XIAP: variants seen among roughly 807,000 people sequenced by gnomAD.
XIAP encodes the protein E3 ubiquitin-protein ligase XIAP.
XIAP carries 3 observed loss-of-function variants against 33.1 expected under a neutral mutation model. The ratio of observed to expected loss-of-function variants is 0.09; its 90% confidence interval spans 0.04 to 0.23. XIAP has a LOEUF of 0.23. Ranked by LOEUF, XIAP falls within the 10% of genes least tolerant of loss-of-function variation. The pLI is 1.00. For synonymous variants in XIAP, 98 were observed against 121.3 expected (o/e 0.81, Z 1.26); for missense variants, 264 against 363.0 (o/e 0.73, Z 2.22).
At chrX:123,885,587 G>C (rs2053343940) in intron 1 of XIAP, 44 bp from the exon 2 acceptor site, 1 of 1,091,116 alleles carries the variant, frequency 9.2e-7, no homozygotes, top group South Asian at 2.0e-5. Flanking sequence ...TCTGTTGCTT[G>C]TGTTTCACAT....
In XIAP at chrX:123,860,206, T is replaced by C. The variant is rs1169181070; in HGVS notation, c.-120T>C. ...GCAGAGCGGAGTTGGCATTTCCAGA[T>C]TGGGGCTCGGGCCGCGCCTCCTCCG... On this transcript the variant is annotated 5_prime_UTR_variant, in exon 1 of 7. Transcript: ENST00000371199. 1.5e-5 allele frequency: 5 copies of C among 329,883 alleles called. No individual in the cohort carries two copies. The highest frequency in any genetic ancestry group is 2.9e-5 in the Non-Finnish European group (5 of 169,990). 27.2% of individuals were successfully genotyped at this position (329,883 alleles called of 1,213,427 possible).
At position 123,910,727 on chromosome X, in the gene XIAP, G is replaced by A. The variant is rs768162124; in HGVS notation, c.*3546G>A. ...TACTAAAAAACAGAAAATTAGCCGG[G>A]CGTGGTGGCGGGCGCCTGTAGTCCC... is the stretch of plus-strand genomic sequence containing the variant. On this transcript the variant is annotated 3_prime_UTR_variant, in exon 7 of 7. Transcript: ENST00000371199. 71 of 280,894 alleles carry A rather than the reference G, an allele frequency of 2.5e-4. No individual in the cohort carries two copies. Among genetic ancestry groups the A allele is most frequent in the Middle Eastern group, 1.3e-3 (1 of 794 alleles). 23.1% of individuals were successfully genotyped at this position (280,894 alleles called of 1,213,427 possible).
At chrX:123,874,678 A>G (rs2053225627) in intron 1 of XIAP, 1 of 96,629 alleles carries the variant, frequency 1.0e-5, no homozygotes, top group Non-Finnish European at 2.0e-5. Flanking sequence ...ATACACTCAT[A>G]ATGAAATGAT....
In XIAP at chrX:123,909,411, T is replaced by C. The variant is rs1034252038; in HGVS notation, c.*2230T>C. On this transcript the variant is annotated 3_prime_UTR_variant, in exon 7 of 7. Coordinates refer to ENST00000371199, the MANE Select transcript of XIAP (RefSeq NM_001167.4). ...TCTGTTTTAGTATGTAAATCCTCAG[T>C]TCTTCACCTTTGCACTGTCTGCCAC... 1.8e-5 allele frequency: 6 copies of C among 328,056 alleles called. No homozygotes were observed. Among genetic ancestry groups the C allele is most frequent in the Non-Finnish European group, 3.5e-5 (6 of 169,869 alleles). The allele number at this position is 328,056 out of a possible 1,213,427, so 27.0% of individuals were successfully genotyped here. A position where few individuals can be genotyped will look rare whatever the true frequency, so the allele number is the denominator to read the frequency against.
chrX:123,907,475 A>G lies in XIAP; in HGVS notation c.*294A>G, dbSNP rs2053563971. On this transcript the variant is annotated 3_prime_UTR_variant, in exon 7 of 7. Transcript: ENST00000371199. Reference sequence around the variant, plus strand: ...TGTGTATTCATAGTATACTGATTTAATTTCTAAGTGTAAGTGAATTAATCA... The same window carrying G: ...TGTGTATTCATAGTATACTGATTTAGTTTCTAAGTGTAAGTGAATTAATCA... 1 of 398,357 alleles carries G rather than the reference A, an allele frequency of 2.5e-6. No homozygotes were observed. The allele number at this position is 398,357 out of a possible 1,213,427, so 32.8% of individuals were successfully genotyped here. A position where few individuals can be genotyped will look rare whatever the true frequency, so the allele number is the denominator to read the frequency against.
At chrX:123,872,639 G>A (rs1364155847) in intron 1 of XIAP, 1 of 110,814 alleles carries the variant, frequency 9.0e-6, no homozygotes, top group Admixed American at 9.8e-5. Flanking sequence ...AGTGAGCCGA[G>A]ATCACGCCAC....
intron 1 of XIAP, chrX:123,878,476 T>G (rs191644668): frequency 1.8e-5 from 2 of 112,187 alleles, no homozygotes; most frequent in African/African-American, 6.5e-5. Context: ...ACTTGTAATA[T>G]TATTGTTCTC....
chrX:123,913,651 A>C lies in XIAP; in HGVS notation c.*6470A>C, dbSNP rs1453862544. On this transcript the variant is annotated 3_prime_UTR_variant, in exon 7 of 7. Transcript: ENST00000371199. ...TATATGTTACCATTTTTCTGGATTT[A>C]GTAAGAAATTTGCAGTTTTGGTTTG... The C allele has an allele frequency of 3.1e-6, 1 of 324,616 alleles. No individual in the cohort carries two copies. The highest frequency in any genetic ancestry group is 5.9e-6 in the Non-Finnish European group (1 of 168,741). 26.8% of individuals were successfully genotyped at this position (324,616 alleles called of 1,213,427 possible).
At chrX:123,868,246 G>C (rs1024305516) in intron 1 of XIAP, among the ~76,000 whole-genome samples, 1 of 111,081 alleles carries the variant, frequency 9.0e-6, no homozygotes, top group Non-Finnish European at 1.9e-5. Flanking sequence ...TGAGCCATGA[G>C]GGCACCACTG....
rs767697896 is a variant in XIAP, at chrX:123,910,045, C to A, written c.*2864C>A. The A allele has an allele frequency of 2.7e-5, 9 of 327,606 alleles. No homozygotes were observed. Among genetic ancestry groups the A allele is most frequent in the Non-Finnish European group, 3.5e-5 (6 of 169,654 alleles). 27.0% of individuals were successfully genotyped at this position (327,606 alleles called of 1,213,427 possible). A position where few individuals can be genotyped will look rare whatever the true frequency, so the allele number is the denominator to read the frequency against. Reference sequence around the variant, plus strand: ...TTCACTCTAGGATTTCAAGTCACCACTTATTTTACATTTTAGTCATGCAAA... The same window carrying A: ...TTCACTCTAGGATTTCAAGTCACCAATTATTTTACATTTTAGTCATGCAAA... On this transcript the variant is annotated 3_prime_UTR_variant, in exon 7 of 7. Transcript: ENST00000371199.
At chrX:123,891,013 T>C (rs2053403058) in intron 3 of XIAP, among the ~76,000 whole-genome samples, 1 of 111,523 alleles carries the variant, frequency 9.0e-6, no homozygotes, top group South Asian at 3.7e-4. Context: ...CAAGTTGATA[T>C]TTTTTGCTCT....
At chrX:123,871,536 G>C (rs1309805461) in intron 1 of XIAP, among the ~76,000 whole-genome samples, 1 of 105,547 alleles carries the variant, frequency 9.5e-6, no homozygotes, top group Non-Finnish European at 1.9e-5. Flanking sequence ...TTTTTTTTGA[G>C]ACAGGATCTG....
chrX:123,894,410 A>G (rs952909831), intron 5 of XIAP, among the ~76,000 whole-genome samples: 1 of 112,308 alleles, frequency 8.9e-6, no homozygotes, highest in Non-Finnish European at 1.9e-5. Context: ...TAGAAAGTTT[A>G]ATTTAGAATA....
At chrX:123,883,661 T>A (rs1338143203) in intron 1 of XIAP, among the ~76,000 whole-genome samples, 3 of 109,525 alleles carry the variant, frequency 2.7e-5, no homozygotes, top group African/African-American at 1.0e-4. Flanking sequence ...CACGCCCAGC[T>A]AATTTTGTGT....
At position 123,867,037 on chromosome X, in the gene XIAP, T is replaced by TC. The variant is rs1556398576; in HGVS notation, c.-33+6756dup. Among the ~76,000 whole-genome samples, 376 of 37,959 alleles carry TC rather than the reference T, an allele frequency of 9.9e-3. 22 individuals are homozygous for TC. Among genetic ancestry groups the TC allele is most frequent in the African/African-American group, 0.031 (226 of 7,210 alleles). The allele number at this position is 37,959 out of a possible 115,157, so 33.0% of individuals were successfully genotyped here. On this transcript the variant is annotated intron_variant, in intron 1 of 6. Transcript: ENST00000371199. ...TCATATTGTCTACAGGTTGTTTTAA[T>TC]CCCCCCCCCCCCTTCAACATTCTAT...
At chrX:123,898,443 A>G (rs1393629275) in intron 5 of XIAP, among the ~76,000 whole-genome samples, 4 of 109,973 alleles carry the variant, frequency 3.6e-5, no homozygotes, top group Non-Finnish European at 7.6e-5. Context: ...GCTCACCGCA[A>G]CCTCCACCTC....
chrX:123,867,642 G>A lies in XIAP; in HGVS notation c.-33+7349G>A, dbSNP rs186244433. On this transcript the variant is annotated intron_variant, in intron 1 of 6. Coordinates refer to ENST00000371199, the MANE Select transcript of XIAP (RefSeq NM_001167.4). ...CCGCCTTGGCCTCCCAAAGTATTGGGATTACAGGTGTGAGCCCCCGTACCT... is the reference window on the plus strand; with the variant it reads ...CCGCCTTGGCCTCCCAAAGTATTGGAATTACAGGTGTGAGCCCCCGTACCT... Among the ~76,000 whole-genome samples the A allele has an allele frequency of 6.7e-4, 70 of 104,926 alleles. 1 individual carries two copies. The East Asian group carries it at 0.014, about 22-fold the overall frequency. 91.1% of individuals were successfully genotyped at this position (104,926 alleles called of 115,157 possible).
intron 5 of XIAP, among the ~76,000 whole-genome samples, chrX:123,894,393 A>G (rs1340979274): frequency 1.8e-5 from 2 of 112,393 alleles, no homozygotes; most frequent in African/African-American, 3.2e-5. Flanking sequence ...GCATATTTCA[A>G]AAGTAGTAGA....
At chrX:123,863,735 C>T (rs753743430) in intron 1 of XIAP, among the ~76,000 whole-genome samples, 5 of 110,984 alleles carry the variant, frequency 4.5e-5, no homozygotes, top group Non-Finnish European at 7.6e-5. Flanking sequence ...CTCAAACTCC[C>T]GACCTCAGGT....
Sources: allele counts gnomAD v4.1 joint callset (sites outside exome capture counted in the v4.1 genomes callset), GRCh38; gene constraint gnomAD v4.1.1; transcripts MANE v1.5; gene names NCBI Gene and HGNC (gene_info 2026-07-23, HGNC 2026-07-21).